TBL1XR1: variants seen among roughly 807,000 people sequenced by gnomAD.
The protein encoded by TBL1XR1 is F-box-like/WD repeat-containing protein TBL1XR1.
Under a neutral mutation model 66.9 loss-of-function variants are expected in TBL1XR1, and 5 were observed. The ratio of observed to expected loss-of-function variants is 0.07; its 90% CI spans 0.04 to 0.16. The LOEUF is 0.16. TBL1XR1 is among the 10% of genes least tolerant of loss of function. The pLI is 1.00. For missense variants in TBL1XR1, 238 were observed against 623.2 expected (o/e 0.38, Z 6.58); for synonymous variants, 210 against 206.0 (o/e 1.02, Z -0.17).
chr3:177,163,227 C>A (rs551916230), intron 1 of TBL1XR1, among the ~76,000 whole-genome samples: 201 of 152,206 alleles, frequency 1.3e-3, no homozygotes, highest in Non-Finnish European at 2.6e-3. Context: ...AAAAAAGAGG[C>A]CGGGCGTGGT....
chr3:177,130,971 G>A (rs1728222755), intron 1 of TBL1XR1, among the ~76,000 whole-genome samples: 1 of 152,130 alleles, frequency 6.6e-6, no homozygotes, highest in Non-Finnish European at 1.5e-5. Flanking sequence ...AGACCAGTCT[G>A]GGCAACATAG....
chr3:177,069,226 T>C (rs1719560726), intron 2 of TBL1XR1, among the ~76,000 whole-genome samples: 2 of 152,008 alleles, frequency 1.3e-5, no homozygotes, highest in African/African-American at 4.8e-5. Flanking sequence ...GAGTATGAGG[T>C]CATAAAGCAA....
At chr3:177,085,040 G>A (rs919723155) in intron 2 of TBL1XR1, among the ~76,000 whole-genome samples, 2 of 152,112 alleles carry the variant, frequency 1.3e-5, no homozygotes, top group Non-Finnish European at 2.9e-5. Flanking sequence ...CAGCTAGATT[G>A]AGCCAGTTTC....
chr3:177,102,917 A>G (rs1201292), intron 1 of TBL1XR1, among the ~76,000 whole-genome samples: 89,878 of 151,976 alleles, frequency 0.59, 26,733 homozygotes, highest in East Asian at 0.73. Context: ...CTTCTATCAT[A>G]CCTCTCTGAT....
intron 1 of TBL1XR1, among the ~76,000 whole-genome samples, chr3:177,185,315 TAGC>T (rs966995972): frequency 1.3e-4 from 20 of 152,142 alleles, no homozygotes; most frequent in Admixed American, 2.0e-4. Context: ...TAAGTTAAAA[TAGC>T]AGCCAACCGG....
At chr3:177,105,616 A>T (rs1172543828) in intron 1 of TBL1XR1, among the ~76,000 whole-genome samples, 2 of 152,244 alleles carry the variant, frequency 1.3e-5, no homozygotes, top group Non-Finnish European at 2.9e-5. Flanking sequence ...TCCAATAGAA[A>T]TGAGAATGGC....
At chr3:177,075,820 G>T (rs938610279) in intron 2 of TBL1XR1, among the ~76,000 whole-genome samples, 1 of 152,086 alleles carries the variant, frequency 6.6e-6, no homozygotes, top group Admixed American at 6.5e-5. Flanking sequence ...AAGAGGCTTA[G>T]AACAACAGAA....
chr3:177,043,562 C>A (rs1042528828), intron 10 of TBL1XR1, among the ~76,000 whole-genome samples: 2 of 152,036 alleles, frequency 1.3e-5, no homozygotes, highest in Non-Finnish European at 2.9e-5. Flanking sequence ...ATTTTTACAT[C>A]ATTTTATTTT....
At chr3:177,134,603 C>T (rs1292506401) in intron 1 of TBL1XR1, among the ~76,000 whole-genome samples, 1 of 152,110 alleles carries the variant, frequency 6.6e-6, no homozygotes, top group Non-Finnish European at 1.5e-5. Context: ...TCCGGTCTTT[C>T]CCCCTTATGT....
chr3:177,088,061 TA>T (rs768782447), intron 2 of TBL1XR1, among the ~76,000 whole-genome samples: 1 of 152,192 alleles, frequency 6.6e-6, no homozygotes, highest in Non-Finnish European at 1.5e-5. Flanking sequence ...AGACAGCTAG[TA>T]TTTTATTCCT....
At chr3:177,065,495 A>T (rs1477944665) in intron 2 of TBL1XR1, among the ~76,000 whole-genome samples, 1 of 152,198 alleles carries the variant, frequency 6.6e-6, no homozygotes, top group Non-Finnish European at 1.5e-5. Flanking sequence ...CAGGATATGA[A>T]GTCTCTATTT....
intron 1 of TBL1XR1, among the ~76,000 whole-genome samples, chr3:177,126,346 A>G (rs1423280788): frequency 6.6e-6 from 1 of 152,202 alleles, no homozygotes; most frequent in East Asian, 1.9e-4. Context: ...CTAACACAAC[A>G]ATATTCTTTT....
intron 1 of TBL1XR1, among the ~76,000 whole-genome samples, chr3:177,196,741 C>A (rs994288589): frequency 1.6e-4 from 16 of 99,708 alleles, no homozygotes; most frequent in Non-Finnish European, 3.0e-4. Flanking sequence ...AGCCTCCCCC[C>A]CCAAACACAC....
chr3:177,131,862 G>C (rs1263637563), intron 1 of TBL1XR1, among the ~76,000 whole-genome samples: 5 of 145,316 alleles, frequency 3.4e-5, no homozygotes, highest in African/African-American at 1.3e-4. Flanking sequence ...TTCCAATAAA[G>C]ACAAGATTCC....
intron 1 of TBL1XR1, among the ~76,000 whole-genome samples, chr3:177,155,471 T>G (rs1403384383): frequency 6.6e-6 from 1 of 152,200 alleles, no homozygotes; most frequent in East Asian, 1.9e-4. Flanking sequence ...TTGATCTATG[T>G]TGTTCTGTAT....
chr3:177,089,255 C>A (rs939216331), intron 2 of TBL1XR1, among the ~76,000 whole-genome samples: 1 of 152,158 alleles, frequency 6.6e-6, no homozygotes, highest in African/African-American at 2.4e-5. Context: ...CAGGGCCCAG[C>A]CCACATTCCC....
intron 14 of TBL1XR1, among the ~76,000 whole-genome samples, chr3:177,029,472 T>G (rs1713629211): frequency 6.6e-6 from 1 of 151,690 alleles, no homozygotes; most frequent in African/African-American, 2.4e-5. Context: ...AATACAAAAA[T>G]TAGTGGGGTG....
chr3:177,127,892 CATTTA>C (rs1727832019), intron 1 of TBL1XR1, among the ~76,000 whole-genome samples: 1 of 152,184 alleles, frequency 6.6e-6, no homozygotes, highest in East Asian at 1.9e-4. Flanking sequence ...ATATTAAAAA[CATTTA>C]CTATCAGTTA....
intron 1 of TBL1XR1, among the ~76,000 whole-genome samples, chr3:177,101,836 C>T (rs963267519): frequency 2.6e-5 from 4 of 152,086 alleles, no homozygotes; most frequent in African/African-American, 4.8e-5. Context: ...AATGTATCAC[C>T]GGTGCTTTGC....
Sources: allele counts gnomAD v4.1 joint callset (sites outside exome capture counted in the v4.1 genomes callset), GRCh38; gene constraint gnomAD v4.1.1; transcripts MANE v1.5; gene names NCBI Gene and HGNC (gene_info 2026-07-23, HGNC 2026-07-21).